The following TBCK variants were observed in gnomAD, a reference collection of about 807,000 sequenced individuals.
TBCK encodes the protein TBC domain-containing protein kinase-like protein.
TBCK carries 99 observed loss-of-function variants against 113.4 expected under a neutral mutation model. The ratio of observed to expected loss-of-function variants is 0.87; its 90% CI spans 0.74 to 1.03. The LOEUF is 1.03. TBCK is among the 50% of genes least tolerant of loss of function. The pLI, the probability that TBCK is intolerant of heterozygous loss-of-function variation, is 0.00. For synonymous variants in TBCK, 369 were observed against 370.8 expected (o/e 1.00, Z 0.05); for missense variants, 1,045 against 1,061.3 (o/e 0.98, Z 0.21).
chr4:106,116,798 A>G (rs895888927), intron 23 of TBCK, among the ~76,000 whole-genome samples: 1 of 152,048 alleles, frequency 6.6e-6, no homozygotes, highest in Admixed American at 6.6e-5. Flanking sequence ...ATGATCTGTC[A>G]TTGTCTCCCA....
intron 9 of TBCK, chr4:106,247,668 T>C (rs908581876): frequency 4.3e-5 from 7 of 162,594 alleles, no homozygotes; most frequent in Non-Finnish European, 9.2e-5. Context: ...TTTAATGTGG[T>C]ACATTGACAC....
intron 3 of TBCK, among the ~76,000 whole-genome samples, chr4:106,268,965 A>ACAAGC (rs1322808569): frequency 6.6e-6 from 1 of 152,098 alleles, no homozygotes; most frequent in African/African-American, 2.4e-5. Context: ...GGGCCACTCC[A>ACAAGC]CAAGCCAAAA....
chr4:106,180,385 T>C (rs1752208514), intron 22 of TBCK, among the ~76,000 whole-genome samples: 1 of 151,892 alleles, frequency 6.6e-6, no homozygotes, highest in African/African-American at 2.4e-5. Flanking sequence ...ATGTTTTTTT[T>C]CCTCCTTCTT....
chr4:106,170,965 CAT>C (rs1750918213), intron 23 of TBCK, 128 bp downstream of exon 23: 1 of 646,206 alleles, frequency 1.5e-6, no homozygotes, highest in Non-Finnish European at 2.4e-6. Context: ...TGAATCAAAT[CAT>C]GTGTTAGAAA....
chr4:106,283,420 A>G (rs1453021465), intron 3 of TBCK, among the ~76,000 whole-genome samples: 2 of 152,134 alleles, frequency 1.3e-5, no homozygotes, highest in Admixed American at 1.3e-4. Context: ...TGGAGGAGGA[A>G]AATATAATTT....
intron 24 of TBCK, among the ~76,000 whole-genome samples, chr4:106,096,675 T>C (rs976010230): frequency 3.5e-4 from 53 of 152,136 alleles, no homozygotes; most frequent in African/African-American, 1.3e-3. Flanking sequence ...GCTACAACCA[T>C]GACTGACAGG....
chr4:106,046,553 G>T lies in TBCK; in HGVS notation c.*17C>A. 1 of 1,455,122 alleles carries T rather than the reference G, an allele frequency of 6.9e-7. No individual in the cohort carries two copies. Among genetic ancestry groups the T allele is most frequent in the Non-Finnish European group, 9.6e-7 (1 of 1,036,918 alleles). The allele number at this position is 1,455,122 out of a possible 1,614,324, so 90.1% of individuals were successfully genotyped here. A position where few individuals can be genotyped will look rare whatever the true frequency, so the allele number is the denominator to read the frequency against. On this transcript the variant is annotated 3_prime_UTR_variant, in exon 26 of 26. Transcript: ENST00000394708. ...GCTGATGCCACACTAAGTTTTGGCAGTCACACTCTTGGTTCTTCATATTTG... is the reference window on the plus strand; with the variant it reads ...GCTGATGCCACACTAAGTTTTGGCATTCACACTCTTGGTTCTTCATATTTG...
In TBCK at chr4:106,215,218, G is replaced by C. The variant is rs565575272; in HGVS notation, c.1775-2383C>G. ...CCTAAAAGAGCTCCTGAAGGAAGCA[G>C]TAAACATGGAAAGGAACAACCGGTA... On this transcript the variant is annotated intron_variant, in intron 19 of 25. Coordinates refer to ENST00000394708, the MANE Select transcript of TBCK (RefSeq NM_001163435.3). 1.3e-3 allele frequency among the ~76,000 whole-genome samples: 198 copies of C among 152,136 alleles called. 2 individuals are homozygous for C. The highest frequency in any genetic ancestry group is 7.5e-3 in the South Asian group (36 of 4,798).
At chr4:106,313,219 C>A (rs1377714503) in intron 1 of TBCK, among the ~76,000 whole-genome samples, 1 of 152,146 alleles carries the variant, frequency 6.6e-6, no homozygotes. Context: ...TAAAGTGAGA[C>A]TGGCATTCTC....
At chr4:106,208,895 T>G (rs2149874825) in intron 20 of TBCK, among the ~76,000 whole-genome samples, 1 of 152,280 alleles carries the variant, frequency 6.6e-6, no homozygotes, top group Non-Finnish European at 1.5e-5. Flanking sequence ...AGCATTCCCC[T>G]CATCCAGACG....
At chr4:106,306,598 A>G (rs1767555367) in intron 2 of TBCK, among the ~76,000 whole-genome samples, 1 of 147,522 alleles carries the variant, frequency 6.8e-6, no homozygotes, top group African/African-American at 2.6e-5. Flanking sequence ...GGAGGGCCAT[A>G]GTATCAGTCA....
chr4:106,184,379 G>A (rs1318022914), intron 22 of TBCK, among the ~76,000 whole-genome samples: 2 of 151,954 alleles, frequency 1.3e-5, no homozygotes, highest in Non-Finnish European at 2.9e-5. Flanking sequence ...AAATATTAGA[G>A]AACTAATACA....
chr4:106,105,877 C>T (rs1027421135), intron 24 of TBCK, among the ~76,000 whole-genome samples: 1 of 152,190 alleles, frequency 6.6e-6, no homozygotes, highest in African/African-American at 2.4e-5. Context: ...ATGACTGCAT[C>T]AGTCCTCCAA....
rs141767891 is a variant in TBCK, at chr4:106,128,830, T to C, written c.2236-12452A>G. ...ATGCCAAGAAAATATTGGAAAATAA[T>C]AAATAAAACACACTGTCATATATTA... On this transcript the variant is annotated intron_variant, in intron 23 of 25. Transcript: ENST00000394708. Among the ~76,000 whole-genome samples, 1,077 of 152,212 alleles carry C rather than the reference T, an allele frequency of 7.1e-3. 10 individuals are homozygous for C. Among genetic ancestry groups the C allele is most frequent in the African/African-American group, 0.024 (1,003 of 41,548 alleles).
intron 3 of TBCK, among the ~76,000 whole-genome samples, chr4:106,263,798 A>C (rs1204904792): frequency 6.6e-6 from 1 of 151,988 alleles, no homozygotes; most frequent in African/African-American, 2.4e-5. Flanking sequence ...CTATGATCCT[A>C]GTTTGACTTT....
At chr4:106,050,973 G>C (rs140804937) in intron 25 of TBCK, among the ~76,000 whole-genome samples, 3 of 151,932 alleles carry the variant, frequency 2.0e-5, no homozygotes, top group African/African-American at 7.2e-5. Flanking sequence ...AGGTTCTTGC[G>C]GGTGCCACTC....
At chr4:106,060,015 T>G (rs1381276465) in intron 25 of TBCK, among the ~76,000 whole-genome samples, 2 of 151,746 alleles carry the variant, frequency 1.3e-5, no homozygotes, top group Non-Finnish European at 2.9e-5. Context: ...GCTCTCCAAT[T>G]CTATGAAGGC....
intron 25 of TBCK, among the ~76,000 whole-genome samples, chr4:106,069,835 A>G (rs1737150844): frequency 6.6e-6 from 1 of 152,172 alleles, no homozygotes; most frequent in South Asian, 2.1e-4. Flanking sequence ...AGTGGTTTGT[A>G]GTTCTCCTTG....
intron 23 of TBCK, among the ~76,000 whole-genome samples, chr4:106,162,417 G>A (rs903866762): frequency 2.0e-5 from 3 of 152,156 alleles, no homozygotes; most frequent in Non-Finnish European, 4.4e-5. Context: ...GGGGTCTGGA[G>A]GATGGTGGCC....
Sources: allele counts gnomAD v4.1 joint callset (sites outside exome capture counted in the v4.1 genomes callset), GRCh38; gene constraint gnomAD v4.1.1; transcripts MANE v1.5; gene names NCBI Gene and HGNC (gene_info 2026-07-23, HGNC 2026-07-21).